The following TECPR2 variants were observed in gnomAD, a reference collection of about 807,000 sequenced individuals.
TECPR2 encodes tectonin beta-propeller repeat containing 2, also known as tectonin beta-propeller repeat-containing protein 2.
In TECPR2, 65 loss-of-function variants were observed where a neutral mutation model predicts 138.1. The observed-to-expected ratio is 0.47, with a 90% CI of 0.39 to 0.58. The LOEUF (loss-of-function observed/expected upper bound fraction) is 0.58, where lower values mean the gene tolerates loss of function less well. Ranked by LOEUF, TECPR2 falls within the 20% of genes least tolerant of loss-of-function variation. The pLI is 0.00. For missense variants in TECPR2, 1,553 were observed against 1,824.5 expected (o/e 0.85, Z 2.71); for synonymous variants, 746 against 749.8 (o/e 0.99, Z 0.08).
In TECPR2 at chr14:102,443,655, G is replaced by A. The variant is rs760730551; in HGVS notation, c.2761G>A (p.Val921Met). The A allele has an allele frequency of 3.8e-5, 60 of 1,586,962 alleles. No individual in the cohort carries two copies. Among genetic ancestry groups the A allele is most frequent in the East Asian group, 1.8e-4 (8 of 44,440 alleles). Residue 921 changes from valine to methionine, a missense_variant, in exon 12 of 20, where the codon GTG (valine) becomes ATG (methionine). By Grantham distance (21) the Val-to-Met change is conservative. Coordinates refer to ENST00000359520, the MANE Select transcript of TECPR2 (RefSeq NM_014844.5). The surrounding 1 kb of genome is among the most constrained non-coding windows in gnomAD (Gnocchi z 4.9). ...GDLYLQTGLS[V>M]DRPCARAVKV... is the part of the protein sequence containing the mutation. ...TCCCATCTTCCTGGCAGGTCTGAGC[G>A]TGGATCGCCCTTGTGCCAGAGCCGT... is the stretch of plus-strand genomic sequence containing the variant.
chr14:102,364,786 A>G (rs1353573048), intron 1 of TECPR2, among the ~76,000 whole-genome samples: 1 of 152,188 alleles, frequency 6.6e-6, no homozygotes, highest in African/African-American at 2.4e-5. Flanking sequence ...GGCTACTGGA[A>G]CTTAGTGGGA....
At chr14:102,467,719 G>A (rs1890576515) in intron 17 of TECPR2, among the ~76,000 whole-genome samples, 1 of 152,172 alleles carries the variant, frequency 6.6e-6, no homozygotes. Flanking sequence ...TAGTTGGAAA[G>A]TGGTATCTCA....
chr14:102,366,736 A>G (rs1411922597), intron 1 of TECPR2, among the ~76,000 whole-genome samples: 2 of 152,256 alleles, frequency 1.3e-5, no homozygotes, highest in African/African-American at 4.8e-5. Flanking sequence ...TGCCAAAGCT[A>G]TTATTAGATA....
At chr14:102,411,119 C>A (rs1385090051) in intron 4 of TECPR2, among the ~76,000 whole-genome samples, 1 of 152,238 alleles carries the variant, frequency 6.6e-6, no homozygotes, top group Non-Finnish European at 1.5e-5. Context: ...GACCTCCCTT[C>A]AGCTTAATCT....
chr14:102,431,444 A>G (rs571372753), intron 7 of TECPR2, among the ~76,000 whole-genome samples: 144 of 148,362 alleles, frequency 9.7e-4, no homozygotes, highest in East Asian at 2.0e-3. Context: ...CCAGGTTCAC[A>G]CCATTCTCCT....
At chr14:102,441,104 G>C (rs1340747544) in intron 11 of TECPR2, among the ~76,000 whole-genome samples, 1 of 151,936 alleles carries the variant, frequency 6.6e-6, no homozygotes, top group Non-Finnish European at 1.5e-5. Context: ...TCGCTCTCTT[G>C]CCCAGGCTGG....
chr14:102,440,958 C>T (rs142146247), intron 11 of TECPR2, among the ~76,000 whole-genome samples: 1 of 152,256 alleles, frequency 6.6e-6, no homozygotes, highest in Non-Finnish European at 1.5e-5. Context: ...AAATTCATTT[C>T]CCCCTTTAAG....
chr14:102,393,333 C>A (rs1414448613), intron 2 of TECPR2, among the ~76,000 whole-genome samples: 1 of 151,992 alleles, frequency 6.6e-6, no homozygotes, highest in Non-Finnish European at 1.5e-5. Flanking sequence ...AAAATTAAAG[C>A]CTCATATTCT....
chr14:102,381,784 C>T (rs1487223953), intron 2 of TECPR2, among the ~76,000 whole-genome samples: 1 of 152,100 alleles, frequency 6.6e-6, no homozygotes, highest in East Asian at 1.9e-4. Context: ...TGGTAAATAC[C>T]TGGGTAATAA....
intron 2 of TECPR2, among the ~76,000 whole-genome samples, chr14:102,388,593 C>T (rs544650061): frequency 6.6e-6 from 1 of 152,062 alleles, no homozygotes; most frequent in South Asian, 2.1e-4. Flanking sequence ...CTTTGGGAGG[C>T]CGAGGCAGGA....
intron 17 of TECPR2, among the ~76,000 whole-genome samples, chr14:102,493,342 AGGCGGGAGCCT>A (rs555137938): frequency 2.6e-5 from 4 of 152,238 alleles, no homozygotes; most frequent in African/African-American, 4.8e-5. Context: ...CGAGTGGGGA[AGGCGGGAGCCT>A]GGCGGGAGCC....
Position 102,457,478 on chromosome 14 carries a change from C to A in TECPR2, c.3640+4851C>A, listed in dbSNP as rs149814565. ...GCCCGTGTATGACTGTGCATGGCGG[C>A]TGTCATCAGGTGGCATGCATTGAAT... On this transcript the variant is annotated intron_variant, in intron 16 of 19. Transcript: ENST00000359520. Among the ~76,000 whole-genome samples, 232 of 152,308 alleles carry A rather than the reference C, an allele frequency of 1.5e-3. 1 individual carries two copies. Among genetic ancestry groups the A allele is most frequent in the African/African-American group, 5.1e-3 (211 of 41,558 alleles).
chr14:102,460,013 G>A (rs1890367080), intron 16 of TECPR2, among the ~76,000 whole-genome samples: 2 of 152,114 alleles, frequency 1.3e-5, no homozygotes, highest in South Asian at 4.1e-4. Flanking sequence ...GCTCACGCTT[G>A]TAATCCTAGC....
At chr14:102,481,174 T>A (rs1483582077) in intron 17 of TECPR2, among the ~76,000 whole-genome samples, 1 of 151,950 alleles carries the variant, frequency 6.6e-6, no homozygotes, top group Non-Finnish European at 1.5e-5. Context: ...CACTATGTAT[T>A]TGTATTTTTA....
intron 5 of TECPR2, 23 bp from the exon 6 acceptor site, chr14:102,424,956 T>C (rs996322358): frequency 2.5e-6 from 4 of 1,589,840 alleles, no homozygotes; most frequent in African/African-American, 2.7e-5. Context: ...TTTTTGTTCT[T>C]TCTTTCTTTC....
intron 5 of TECPR2, among the ~76,000 whole-genome samples, chr14:102,417,651 G>A (rs891426419): frequency 2.0e-5 from 3 of 152,210 alleles, no homozygotes; most frequent in Non-Finnish European, 2.9e-5. Flanking sequence ...TTGGGCAAGA[G>A]CTTAGATGTT....
rs531016319 is a variant in TECPR2, at chr14:102,498,916, G to A, written c.*659G>A. 55 of 683,006 alleles carry A rather than the reference G, an allele frequency of 8.1e-5. 1 individual carries two copies. The highest frequency in any genetic ancestry group is 6.3e-4 in the South Asian group (42 of 66,458). 42.3% of individuals were successfully genotyped at this position (683,006 alleles called of 1,614,324 possible). On this transcript the variant is annotated 3_prime_UTR_variant, in exon 20 of 20. Coordinates refer to ENST00000359520, the MANE Select transcript of TECPR2 (RefSeq NM_014844.5). The stretch of plus-strand genomic sequence containing the variant: ...ACAGCACACCTCACCACACCACACC[G>A]CACTGCACCATACCTCACCACATCT...
At chr14:102,435,409 C>T (rs1007140734) in intron 9 of TECPR2, among the ~76,000 whole-genome samples, 198 bp downstream of exon 9, 3 of 152,182 alleles carry the variant, frequency 2.0e-5, no homozygotes, top group African/African-American at 7.2e-5. Context: ...TACTTCTGAC[C>T]TGTTCTACCC....
chr14:102,480,843 T>TTG (rs1890877495), intron 17 of TECPR2, among the ~76,000 whole-genome samples: 1 of 116,450 alleles, frequency 8.6e-6, no homozygotes, highest in Admixed American at 8.6e-5. Flanking sequence ...GGTTTTGGGT[T>TTG]TTTTTTTTTT....
Sources: allele counts gnomAD v4.1 joint callset (sites outside exome capture counted in the v4.1 genomes callset), GRCh38; gene constraint gnomAD v4.1.1; non-coding constraint Gnocchi (gnomAD v3.1); transcripts MANE v1.5; gene names NCBI Gene and HGNC (gene_info 2026-07-23, HGNC 2026-07-21).